The following PPP2R2A variants were observed in gnomAD, a reference collection of about 807,000 sequenced individuals.
PPP2R2A encodes serine/threonine-protein phosphatase 2A 55 kDa regulatory subunit B alpha isoform.
PPP2R2A carries 9 observed loss-of-function variants against 53.2 expected under a neutral mutation model. The ratio of observed to expected loss-of-function variants is 0.17; its 90% CI spans 0.10 to 0.30. The LOEUF (loss-of-function observed/expected upper bound fraction) is 0.30, where lower values mean the gene tolerates loss of function less well. PPP2R2A is among the 10% of genes least tolerant of loss of function. The pLI is 1.00. For missense variants in PPP2R2A, 235 were observed against 534.6 expected (o/e 0.44, Z 5.53); for synonymous variants, 169 against 174.2 (o/e 0.97, Z 0.23).
At chr8:26,324,598 T>A (rs1290378279) in intron 2 of PPP2R2A, among the ~76,000 whole-genome samples, 1 of 152,134 alleles carries the variant, frequency 6.6e-6, no homozygotes, top group African/African-American at 2.4e-5. Context: ...AAGGGAAATG[T>A]GGGGTCGGAG....
At chr8:26,325,689 G>C (rs1218763359) in intron 2 of PPP2R2A, among the ~76,000 whole-genome samples, 1 of 152,088 alleles carries the variant, frequency 6.6e-6, no homozygotes, top group African/African-American at 2.4e-5. Context: ...GTATCTTAAA[G>C]TTTGTTCACT....
rs1585398493 is a variant in PPP2R2A, at chr8:26,354,735, G to A, written c.346+102G>A. The A allele has an allele frequency of 1.7e-6, 2 of 1,149,160 alleles. No individual in the cohort carries two copies. The highest frequency in any genetic ancestry group is 2.3e-6 in the Non-Finnish European group (2 of 872,866). The allele number at this position is 1,149,160 out of a possible 1,614,324, so 71.2% of individuals were successfully genotyped here. A position where few individuals can be genotyped will look rare whatever the true frequency, so the allele number is the denominator to read the frequency against. On this transcript the variant is annotated intron_variant, in intron 4 of 9. Coordinates refer to ENST00000380737, the MANE Select transcript of PPP2R2A (RefSeq NM_002717.4). The surrounding 1 kb of genome is among the most constrained non-coding windows in gnomAD (Gnocchi z 4.6). ...CATTTAACAGAGATACTTGTAAAAA[G>A]GACTTTTGTTTTTCTATACAGAATG...
Position 26,337,808 on chromosome 8 carries a change from A to T in PPP2R2A, c.83-1082A>T, listed in dbSNP as rs144939937. Among the ~76,000 whole-genome samples, 234 of 152,334 alleles carry T rather than the reference A, an allele frequency of 1.5e-3. 2 individuals carry two copies. Among genetic ancestry groups the T allele is most frequent in the African/African-American group, 5.0e-3 (206 of 41,578 alleles). On this transcript the variant is annotated intron_variant, in intron 2 of 9. Transcript: ENST00000380737. ...TGTAACTTTTGGTAGATTCTGAAAG[A>T]GTTCAAAAAGATTAAATGCCTTGGA... is the stretch of plus-strand genomic sequence containing the variant.
intron 2 of PPP2R2A, among the ~76,000 whole-genome samples, chr8:26,336,726 T>TA (rs1803680683): frequency 6.6e-6 from 1 of 151,900 alleles, no homozygotes; most frequent in South Asian, 2.1e-4. Flanking sequence ...AAAAATTTTT[T>TA]AAAAATTAGC....
Position 26,351,771 on chromosome 8 carries a change from A to T in PPP2R2A, c.181-2697A>T, listed in dbSNP as rs534134389. On this transcript the variant is annotated intron_variant, in intron 3 of 9. Transcript: ENST00000380737. ...GGGCCATCTGTTCTGTTTCATTGGC[A>T]CATTGGTGTATCCTCATGCCAGTAC... is the stretch of plus-strand genomic sequence containing the variant. Among the ~76,000 whole-genome samples, 16 of 152,308 alleles carry T rather than the reference A, an allele frequency of 1.1e-4. No homozygotes were observed. In the South Asian group the frequency reaches 3.3e-3, roughly 32 times the overall value.
chr8:26,332,689 A>G (rs559010617), intron 2 of PPP2R2A, among the ~76,000 whole-genome samples: 41 of 152,338 alleles, frequency 2.7e-4, no homozygotes, highest in Admixed American at 7.8e-4. Flanking sequence ...CCTTGAATGT[A>G]GCAGATTCTG....
rs1473288399 is a variant in PPP2R2A, at chr8:26,332,359, G to C, written c.83-6531G>C. Among the ~76,000 whole-genome samples, 5 of 113,622 alleles carry C rather than the reference G, an allele frequency of 4.4e-5. No homozygotes were observed. In the Admixed American group the frequency reaches 4.8e-4, roughly 11 times the overall value. The allele number at this position is 113,622 out of a possible 152,430, so 74.5% of individuals were successfully genotyped here. A position where few individuals can be genotyped will look rare whatever the true frequency, so the allele number is the denominator to read the frequency against. ...CTGGGTGACAGAGCAAGACTCTTTT[G>C]TCTCAAAAAAAAAAAAAAAAAGAAG... On this transcript the variant is annotated intron_variant, in intron 2 of 9. Transcript: ENST00000380737.
chr8:26,297,591 A>G (rs563358224), intron 2 of PPP2R2A, among the ~76,000 whole-genome samples: 10 of 152,346 alleles, frequency 6.6e-5, no homozygotes, highest in Admixed American at 4.6e-4. Flanking sequence ...GTGCTAGGCT[A>G]CATGGTTTGA....
intron 3 of PPP2R2A, among the ~76,000 whole-genome samples, chr8:26,352,450 C>G (rs1057182260): frequency 6.6e-6 from 1 of 152,314 alleles, no homozygotes; most frequent in African/African-American, 2.4e-5. Context: ...GTTACTGCTG[C>G]TGTCATTTCT....
chr8:26,363,947 A>G, intron 8 of PPP2R2A, 57 bp downstream of exon 8: 1 of 1,427,732 alleles, frequency 7.0e-7, no homozygotes, highest in Non-Finnish European at 9.4e-7. Context: ...AAGTGTTTAT[A>G]GAGAAGGATT....
At chr8:26,334,697 A>G (rs1270542757) in intron 2 of PPP2R2A, among the ~76,000 whole-genome samples, 9 of 152,082 alleles carry the variant, frequency 5.9e-5, no homozygotes, top group Non-Finnish European at 1.0e-4. Context: ...GGGAGCCGAG[A>G]TCGCGCCACT....
chr8:26,315,620 T>A (rs539877415), intron 2 of PPP2R2A, among the ~76,000 whole-genome samples: 2 of 152,308 alleles, frequency 1.3e-5, no homozygotes, highest in South Asian at 2.1e-4. Context: ...CTGTTTTGAG[T>A]CTCATGCTTC....
chr8:26,310,295 A>AC (rs1182730648), intron 2 of PPP2R2A, among the ~76,000 whole-genome samples: 1 of 30,328 alleles, frequency 3.3e-5, no homozygotes, highest in Non-Finnish European at 6.9e-5. Context: ...AAAAAAAAAA[A>AC]AAAACACAGT....
intron 6 of PPP2R2A, among the ~76,000 whole-genome samples, chr8:26,361,691 T>A (rs1248593298): frequency 2.0e-5 from 3 of 152,056 alleles, no homozygotes; most frequent in African/African-American, 4.8e-5. Flanking sequence ...CTGGCTGCGG[T>A]GACTCAGCCT....
Position 26,371,735 on chromosome 8 carries a change from A to G in PPP2R2A, c.*1322A>G, listed in dbSNP as rs560627499. 4 of 152,348 alleles carry G rather than the reference A, an allele frequency of 2.6e-5. No individual in the cohort carries two copies. Among genetic ancestry groups the G allele is most frequent in the Admixed American group, 6.5e-5 (1 of 15,308 alleles). 9.4% of individuals were successfully genotyped at this position (152,348 alleles called of 1,614,324 possible). On this transcript the variant is annotated 3_prime_UTR_variant, in exon 10 of 10. Coordinates refer to ENST00000380737, the MANE Select transcript of PPP2R2A (RefSeq NM_002717.4). The stretch of plus-strand genomic sequence containing the variant: ...CAAATTTTTAAAGGTACAGCGTTCA[A>G]AAAGTGCTTAATGAACTCCAACAGC...
chr8:26,299,073 A>C (rs145022112), intron 2 of PPP2R2A, among the ~76,000 whole-genome samples: 3 of 152,302 alleles, frequency 2.0e-5, no homozygotes, highest in Non-Finnish European at 4.4e-5. Context: ...CAGGAGTCTG[A>C]GACCAGCCTG....
chr8:26,332,698 T>C (rs140198724), intron 2 of PPP2R2A, among the ~76,000 whole-genome samples: 37 of 152,326 alleles, frequency 2.4e-4, no homozygotes, highest in African/African-American at 8.2e-4. Context: ...TAGCAGATTC[T>C]GAATAAATAT....
chr8:26,370,468 C>A lies in PPP2R2A; in HGVS notation c.*55C>A. 4 of 1,571,338 alleles carry A rather than the reference C, an allele frequency of 2.5e-6. No homozygotes were observed. The highest frequency in any genetic ancestry group is 3.5e-6 in the Non-Finnish European group (4 of 1,149,392). On this transcript the variant is annotated 3_prime_UTR_variant, in exon 10 of 10. Coordinates refer to ENST00000380737, the MANE Select transcript of PPP2R2A (RefSeq NM_002717.4). The surrounding 1 kb of genome is among the most constrained non-coding windows in gnomAD (Gnocchi z 6.1). ...TCCTGCTTAGTTGAGATAGTTGAAT[C>A]TAGCATTCGTTCCTATAAAAGAGAG...
intron 2 of PPP2R2A, among the ~76,000 whole-genome samples, chr8:26,316,392 T>C (rs1268212597): frequency 6.6e-6 from 1 of 152,216 alleles, no homozygotes; most frequent in African/African-American, 2.4e-5. Context: ...TCTAAGATAC[T>C]AACCTGCATT....
Sources: allele counts gnomAD v4.1 joint callset (sites outside exome capture counted in the v4.1 genomes callset), GRCh38; gene constraint gnomAD v4.1.1; non-coding constraint Gnocchi (gnomAD v3.1); transcripts MANE v1.5; gene names NCBI Gene and HGNC (gene_info 2026-07-23, HGNC 2026-07-21).